Variants in DIAPH2 observed in about 807,000 individuals in gnomAD.
The protein encoded by DIAPH2 is diaphanous related formin 2.
DIAPH2 carries 35 observed loss-of-function variants against 92.7 expected under a neutral mutation model. The ratio of observed to expected loss-of-function variants is 0.38; its 90% CI spans 0.29 to 0.50. The LOEUF (loss-of-function observed/expected upper bound fraction) is 0.50. Among genes scored for constraint, DIAPH2 ranks in the 20% least tolerant of loss-of-function variants. DIAPH2 has a pLI of 0.94. For synonymous variants in DIAPH2, 301 were observed against 280.4 expected, an observed-to-expected ratio of 1.07 and a Z score of -0.73; for missense variants, 701 against 819.5, an observed-to-expected ratio of 0.86 and a Z score of 1.77.
In DIAPH2 at chrX:96,918,576, A is replaced by G; in HGVS notation, c.937A>G (p.Ile313Val). 2 of 1,206,960 alleles carry G rather than the reference A, an allele frequency of 1.7e-6. No individual in the cohort carries two copies. The highest frequency in any genetic ancestry group is 1.8e-5 in the South Asian group (1 of 56,059). The change falls in exon 9 of 27, where the codon ATT becomes GTT. Residue 313 changes from isoleucine (I) to valine (V), a missense_variant. Physicochemically the swap from Ile to Val is conservative, Grantham distance 29 (BLOSUM62 3). Around this residue, in one of 3 missense-constraint regions of DIAPH2, gnomAD observed 536 missense variants for 599.3 expected, o/e 0.89. Coordinates refer to ENST00000324765, the MANE Select transcript of DIAPH2 (RefSeq NM_006729.5). ...ERNNRERFSP[I>V]VEGLENQEAL... is the part of the protein sequence containing the mutation. ...AAATAACAGGGAACGATTTTCACCA[A>G]TTGTGGAAGGTTTAGAAAATCAGGA...
chrX:97,579,398 A>C (rs1205753435), intron 26 of DIAPH2, among the ~76,000 whole-genome samples: 48 of 110,835 alleles, frequency 4.3e-4, no homozygotes, highest in South Asian at 3.5e-3. Context: ...ATGGCTAGCC[A>C]GTTTTCCCAG....
At chrX:96,786,966 A>G (rs1157351299) in intron 4 of DIAPH2, among the ~76,000 whole-genome samples, 6 of 112,009 alleles carry the variant, frequency 5.4e-5, no homozygotes, top group Non-Finnish European at 7.5e-5. Context: ...GCTTTGATTT[A>G]TATGCAAATA....
intron 26 of DIAPH2, among the ~76,000 whole-genome samples, chrX:97,459,527 T>A (rs777039664): frequency 5.3e-5 from 6 of 112,344 alleles, no homozygotes; most frequent in Non-Finnish European, 9.4e-5. Flanking sequence ...TGGGAGCACT[T>A]CCTTGGAACG....
chrX:97,136,155 A>G (rs1464925028), intron 21 of DIAPH2, among the ~76,000 whole-genome samples: 1 of 112,359 alleles, frequency 8.9e-6, no homozygotes, highest in Non-Finnish European at 1.9e-5. Context: ...AGAGAGGATA[A>G]TAGCTAGAGA....
chrX:96,998,501 T>C lies in DIAPH2; in HGVS notation c.2050+33294T>C, dbSNP rs1390270832. Among the ~76,000 whole-genome samples the C allele has an allele frequency of 8.9e-5, 10 of 112,122 alleles. 1 individual carries two copies. The Admixed American group carries it at 9.5e-4, about 11-fold the overall frequency. On this transcript the variant is annotated intron_variant, in intron 17 of 26. Transcript: ENST00000324765. ...TTTGAAAAACTGGATTCTTTTCATATTATTAAAACTTTTTGATGTTGATTG... is the reference window on the plus strand; with the variant it reads ...TTTGAAAAACTGGATTCTTTTCATACTATTAAAACTTTTTGATGTTGATTG...
intron 22 of DIAPH2, among the ~76,000 whole-genome samples, chrX:97,200,197 G>T (rs2067735875): frequency 8.9e-6 from 1 of 112,525 alleles, no homozygotes; most frequent in African/African-American, 3.2e-5. Context: ...GCAATCTGCA[G>T]ATCAGGAGAT....
At chrX:96,980,042 C>T (rs144082629) in intron 17 of DIAPH2, among the ~76,000 whole-genome samples, 1,846 of 110,757 alleles carry the variant, frequency 0.017, 34 homozygotes, top group African/African-American at 0.058. Flanking sequence ...CCACAACCCC[C>T]GAAGCCCCAG....
chrX:96,707,866 T>C (rs2147531701), intron 1 of DIAPH2, among the ~76,000 whole-genome samples: 1 of 111,793 alleles, frequency 8.9e-6, no homozygotes, highest in South Asian at 3.8e-4. Flanking sequence ...AGGAGCATGC[T>C]GTATTCTAAA....
intron 25 of DIAPH2, among the ~76,000 whole-genome samples, chrX:97,400,111 T>A (rs1332832086): frequency 8.9e-6 from 1 of 112,547 alleles, no homozygotes; most frequent in Non-Finnish European, 1.9e-5. Flanking sequence ...TGTGGAAATA[T>A]ATGTGAGATC....
chrX:97,300,729 G>T (rs1479524698), intron 23 of DIAPH2, among the ~76,000 whole-genome samples: 1 of 92,458 alleles, frequency 1.1e-5, no homozygotes, highest in Non-Finnish European at 2.2e-5. Flanking sequence ...TCAGGAGATT[G>T]AGACCATCCT....
intron 26 of DIAPH2, among the ~76,000 whole-genome samples, chrX:97,574,892 A>G (rs191179105): frequency 8.7e-4 from 97 of 112,073 alleles, no homozygotes; most frequent in Admixed American, 4.3e-3. Context: ...TAGAGACAGG[A>G]GAAATTCAAT....
At position 96,890,725 on chromosome X, in the gene DIAPH2, C is replaced by A. The variant is rs540684596; in HGVS notation, c.587+9007C>A. 1.1e-4 allele frequency among the ~76,000 whole-genome samples: 12 copies of A among 111,985 alleles called. No homozygotes were observed. In the South Asian group the frequency reaches 3.3e-3, roughly 31 times the overall value. ...GTCATTTTGGAATATTAAGTGGGGTCATGAATTTCAAATTCACATGGTATT... is the reference window on the plus strand; with the variant it reads ...GTCATTTTGGAATATTAAGTGGGGTAATGAATTTCAAATTCACATGGTATT... On this transcript the variant is annotated intron_variant, in intron 5 of 26. Coordinates refer to ENST00000324765, the MANE Select transcript of DIAPH2 (RefSeq NM_006729.5).
intron 7 of DIAPH2, 109 bp downstream of exon 7, chrX:96,912,661 G>C: frequency 1.1e-6 from 1 of 925,514 alleles, no homozygotes; most frequent in Non-Finnish European, 1.4e-6. Flanking sequence ...TAATTTCCAG[G>C]GTACATGTAT....
chrX:97,515,190 A>G (rs759478563), intron 26 of DIAPH2, among the ~76,000 whole-genome samples: 230 of 112,748 alleles, frequency 2.0e-3, no homozygotes, highest in African/African-American at 6.8e-3. Context: ...CCTCCGAGCC[A>G]GGTGCGGGAT....
chrX:96,750,331 C>T (rs377186913), intron 3 of DIAPH2, among the ~76,000 whole-genome samples: 14 of 111,395 alleles, frequency 1.3e-4, no homozygotes, highest in African/African-American at 4.2e-4. Flanking sequence ...TGGCTAATTT[C>T]GACAGTTTTA....
intron 3 of DIAPH2, among the ~76,000 whole-genome samples, chrX:96,745,023 T>G (rs2064141574): frequency 9.2e-6 from 1 of 109,122 alleles, no homozygotes; most frequent in Non-Finnish European, 1.9e-5. Context: ...TTTTTTTTTT[T>G]GAGATGGAGT....
In DIAPH2 at chrX:96,937,222, T is replaced by C. The variant is rs758906777; in HGVS notation, c.1090-11T>C. Reference sequence around the variant, plus strand: ...GTTATTCATGTGTTAAATTTTATGTTTATATATTAGGATCTAAAAGAAAAA... The same window carrying C: ...GTTATTCATGTGTTAAATTTTATGTCTATATATTAGGATCTAAAAGAAAAA... On this transcript the variant is annotated splice_polypyrimidine_tract_variant and intron_variant, in intron 10 of 26. Coordinates refer to ENST00000324765, the MANE Select transcript of DIAPH2 (RefSeq NM_006729.5). 2 of 1,004,149 alleles carry C rather than the reference T, an allele frequency of 2.0e-6. No homozygotes were observed. Among genetic ancestry groups the C allele is most frequent in the Admixed American group, 5.0e-5 (2 of 40,076 alleles). The allele number at this position is 1,004,149 out of a possible 1,213,427, so 82.8% of individuals were successfully genotyped here. A position where few individuals can be genotyped will look rare whatever the true frequency, so the allele number is the denominator to read the frequency against.
chrX:96,776,997 A>G (rs2064381825), intron 4 of DIAPH2, among the ~76,000 whole-genome samples: 1 of 112,074 alleles, frequency 8.9e-6, no homozygotes, highest in African/African-American at 3.2e-5. Flanking sequence ...TTTTGTAGCT[A>G]TACTTCCCTT....
chrX:97,082,448 C>T (rs762987435), intron 19 of DIAPH2, among the ~76,000 whole-genome samples: 12 of 104,348 alleles, frequency 1.2e-4, no homozygotes, highest in African/African-American at 3.5e-4. Flanking sequence ...AATGAAACCC[C>T]GACTCTACTA....
Sources: gnomAD v4.1 joint callset for allele counts (sites outside exome capture counted in the v4.1 genomes callset) on GRCh38, gnomAD v4.1.1 for gene constraint, gnomAD v4.1.1 regional missense constraint, MANE v1.5 for transcripts, NCBI Gene and HGNC (gene_info 2026-07-23, HGNC 2026-07-21) for gene names.